The following RPUSD2 variants were observed in gnomAD, a reference collection of about 807,000 sequenced individuals.
RPUSD2 encodes the protein RNA pseudouridine synthase domain containing 2.
In RPUSD2, 31 loss-of-function variants were observed where a neutral mutation model predicts 41.5. The ratio of observed to expected loss-of-function variants is 0.75; its 90% confidence interval spans 0.56 to 1.01. RPUSD2 has a LOEUF of 1.01. Among genes scored for constraint, RPUSD2 ranks in the 50% least tolerant of loss-of-function variants. The pLI is 0.00. For synonymous variants in RPUSD2, 305 were observed against 289.7 expected (o/e 1.05, Z -0.54); for missense variants, 749 against 724.7 (o/e 1.03, Z -0.38).
intron 2 of RPUSD2, among the ~76,000 whole-genome samples, chr15:40,573,213 C>T (rs544558161): frequency 3.9e-5 from 6 of 151,996 alleles, no homozygotes; most frequent in African/African-American, 1.4e-4. Context: ...TTAGTAGAGA[C>T]GGGGTTTCTT....
chr15:40,572,049 G>T lies in RPUSD2; in HGVS notation c.903+149G>T, dbSNP rs1595901328. The T allele has an allele frequency of 2.6e-5, 21 of 797,916 alleles. No individual in the cohort carries two copies. In the East Asian group the frequency reaches 5.6e-4, roughly 21 times the overall value. 49.4% of individuals were successfully genotyped at this position (797,916 alleles called of 1,614,324 possible). ...ACCTTAAGGCAGGTCAACACCTAAA[G>T]TGCCAAATGCAGGATATCTCATATG... On this transcript the variant is annotated intron_variant, in intron 2 of 2. Coordinates refer to ENST00000315616, the MANE Select transcript of RPUSD2 (RefSeq NM_152260.3).
In RPUSD2 at chr15:40,573,890, CAG is replaced by C; in HGVS notation, c.1270_1271del (p.Ser424ProfsTer8). The C allele has an allele frequency of 1.2e-6, 2 of 1,614,146 alleles. No homozygotes were observed. The highest frequency in any genetic ancestry group is 1.7e-6 in the Non-Finnish European group (2 of 1,180,022). On this transcript the variant is annotated frameshift_variant, in exon 3 of 3. Transcript: ENST00000315616. LOFTEE classifies it high-confidence loss of function. ...CCTGGTAGCAGAGCACCAGGCCAAA[CAG>C]AGCCTGGATGTGCTAGATCTCTGTG... ...RDLVAEHQAKQSLDVLDLCEG... is the reference protein window; with the variant it reads ...RDLVAEHQAKXSLDVLDLCEG...
At chr15:40,572,117 A>C (rs1891155128) in intron 2 of RPUSD2, among the ~76,000 whole-genome samples, 1 of 152,192 alleles carries the variant, frequency 6.6e-6, no homozygotes, top group African/African-American at 2.4e-5. Context: ...TGCCTCTCTT[A>C]GTAGTTTGCT....
chr15:40,572,655 A>G (rs1306164830), intron 2 of RPUSD2, among the ~76,000 whole-genome samples: 1 of 151,914 alleles, frequency 6.6e-6, no homozygotes, highest in African/African-American at 2.4e-5. Context: ...TCACTTGGCC[A>G]TGGGAGGTTG....
chr15:40,571,985 G>T, intron 2 of RPUSD2, 85 bp downstream of exon 2: 1 of 1,395,632 alleles, frequency 7.2e-7, no homozygotes. Flanking sequence ...GTTCCGAAGT[G>T]GTCCTTCATA....
chr15:40,573,951 C>T lies in RPUSD2; in HGVS notation c.1328C>T (p.Thr443Met), dbSNP rs148617479. Residue 443 changes from threonine (T) to methionine (M), a missense_variant, in exon 3 of 3, where the codon ACG becomes ATG. By Grantham distance (81) the Thr-to-Met change is moderately conservative. Transcript: ENST00000315616. ...GDLSPGLTDSTAPSSELGKDD... is the reference protein window; with the variant it reads ...GDLSPGLTDSMAPSSELGKDD... ...CTGTCCCCAGGACTCACAGACTCTA[C>T]GGCCCCCTCCTCAGAGTTGGGCAAG... 249 of 1,614,094 alleles carry T rather than the reference C, an allele frequency of 1.5e-4. No individual in the cohort carries two copies. Among genetic ancestry groups the T allele is most frequent in the Non-Finnish European group, 2.0e-4 (232 of 1,180,002 alleles).
chr15:40,574,196 G>C lies in RPUSD2; in HGVS notation c.1573G>C (p.Gly525Arg). 1 of 1,613,838 alleles carries C rather than the reference G, an allele frequency of 6.2e-7. No homozygotes were observed. The highest frequency in any genetic ancestry group is 8.5e-7 in the Non-Finnish European group (1 of 1,180,022). Residue 525 changes from glycine to arginine, a missense_variant, in exon 3 of 3, where the codon GGG becomes CGG. Coordinates refer to ENST00000315616, the MANE Select transcript of RPUSD2 (RefSeq NM_152260.3). ...VMFLHALRYK[G>R]PGFEYFSPMP... ...GTTCCTACATGCCCTACGCTATAAAGGGCCAGGCTTTGAGTACTTTTCACC... is the reference window on the plus strand; with the variant it reads ...GTTCCTACATGCCCTACGCTATAAACGGCCAGGCTTTGAGTACTTTTCACC...
At position 40,571,739 on chromosome 15, in the gene RPUSD2, C is replaced by T. The variant is rs201925774; in HGVS notation, c.742C>T (p.Arg248Cys). The change falls in exon 2 of 3, where the codon CGC becomes TGC. Residue 248 changes from arginine (R) to cysteine (C), a missense_variant. By Grantham distance (180) the Arg-to-Cys change is radical. Transcript: ENST00000315616. ...CTCCATTCCCGTTCACCCCTGTGGC[C>T]GCTTCCGACACAACACAGTTATCTT... ...PSSIPVHPCG[R>C]FRHNTVIFIL... 8.1e-6 allele frequency: 13 copies of T among 1,614,250 alleles called. No individual in the cohort carries two copies. The Middle Eastern group carries it at 4.9e-4, about 61-fold the overall frequency.
At chr15:40,572,264 CAAA>C (rs66796070) in intron 2 of RPUSD2, among the ~76,000 whole-genome samples, 2 of 94,106 alleles carry the variant, frequency 2.1e-5, no homozygotes, top group Admixed American at 1.1e-4. Context: ...CCTATCTCTA[CAAA>C]AAAAAAAAAA....
rs1236205263 is a variant in RPUSD2, at chr15:40,569,435, G to A, written c.98G>A (p.Gly33Asp). The change falls in exon 1 of 3, where the codon GGC becomes GAC. Residue 33 changes from glycine to aspartate, a missense_variant. Physicochemically the swap from Gly to Asp is moderately conservative, Grantham distance 94 (BLOSUM62 -1). Transcript: ENST00000315616. Reference protein sequence around the residue: ...SFTRTWSGDKGPMAETVSTQV... With the variant: ...SFTRTWSGDKDPMAETVSTQV... ...ACCAGGACTTGGAGTGGCGATAAGGGCCCAATGGCAGAAACAGTGTCTACC... is the reference window on the plus strand; with the variant it reads ...ACCAGGACTTGGAGTGGCGATAAGGACCCAATGGCAGAAACAGTGTCTACC... The A allele has an allele frequency of 9.0e-6, 14 of 1,564,202 alleles. No homozygotes were observed. The highest frequency in any genetic ancestry group is 2.4e-5 in the South Asian group (2 of 82,344).
intron 2 of RPUSD2, among the ~76,000 whole-genome samples, chr15:40,573,020 C>CTTTTCTTT (rs1891174207): frequency 1.0e-5 from 1 of 96,784 alleles, no homozygotes; most frequent in Non-Finnish European, 2.0e-5. Flanking sequence ...CTTTTCTTTT[C>CTTTTCTTT]TTTTTTTTTT....
At chr15:40,573,352 T>C (rs551505766) in intron 2 of RPUSD2, among the ~76,000 whole-genome samples, 175 bp from the exon 3 acceptor site, 2 of 152,338 alleles carry the variant, frequency 1.3e-5, no homozygotes, top group South Asian at 4.1e-4. Flanking sequence ...TTTCACATTT[T>C]CTAGATGAGT....
chr15:40,571,352 A>G (rs1364574236), intron 1 of RPUSD2, among the ~76,000 whole-genome samples: 1 of 152,204 alleles, frequency 6.6e-6, no homozygotes, highest in African/African-American at 2.4e-5. Flanking sequence ...AACATTCATA[A>G]TCTAACCACC....
At position 40,574,943 on chromosome 15, in the gene RPUSD2, CAT is replaced by C. The variant is rs1451130040; in HGVS notation, c.*683_*684del. 4 of 152,174 alleles carry C rather than the reference CAT, an allele frequency of 2.6e-5. No individual in the cohort carries two copies. Among genetic ancestry groups the C allele is most frequent in the South Asian group, 2.1e-4 (1 of 4,836 alleles). The allele number at this position is 152,174 out of a possible 1,614,324, so 9.4% of individuals were successfully genotyped here. ...ATTTTATATAAATGGAATGATAAAA[CAT>C]GTGACCTATGTCTCTGTTTCCCTTG... is the stretch of plus-strand genomic sequence containing the variant. On this transcript the variant is annotated 3_prime_UTR_variant, in exon 3 of 3. Coordinates refer to ENST00000315616, the MANE Select transcript of RPUSD2 (RefSeq NM_152260.3).
rs1440582400 is a variant in RPUSD2 at position 40,574,370 on chromosome 15, G to A, written c.*109G>A. 5.9e-6 allele frequency: 8 copies of A among 1,366,996 alleles called. No individual in the cohort carries two copies. The highest frequency in any genetic ancestry group is 1.5e-5 in the African/African-American group (1 of 68,946). 84.7% of individuals were successfully genotyped at this position (1,366,996 alleles called of 1,614,324 possible). ...TGGGGTTTCTATAGGAATGAGGACG[G>A]GCTTCTAAAGAGACCTGCTCATACT... On this transcript the variant is annotated 3_prime_UTR_variant, in exon 3 of 3. Coordinates refer to ENST00000315616, the MANE Select transcript of RPUSD2 (RefSeq NM_152260.3).
Position 40,569,569 on chromosome 15 carries a change from GAA to G in RPUSD2, c.233_234del (p.Glu78GlyfsTer22). 6.5e-7 allele frequency: 1 copy of G among 1,534,296 alleles called. No homozygotes were observed. The highest frequency in any genetic ancestry group is 2.3e-5 in the East Asian group (1 of 44,114). On this transcript the variant is annotated frameshift_variant, in exon 1 of 3. Coordinates refer to ENST00000315616, the MANE Select transcript of RPUSD2 (RefSeq NM_152260.3). LOFTEE classifies it high-confidence loss of function. ...CGGGCCCCCGAAGCCGGCTGGCCGG[GAA>G]GTGGAGCCGGCCCCAGTAGGCGGGG... is the stretch of plus-strand genomic sequence containing the variant. The part of the protein sequence containing the change: ...SPGPPKPAGR[E>X]VEPAPVGGEH...
In RPUSD2 at chr15:40,569,731, A is replaced by C. The variant is rs1256580500; in HGVS notation, c.394A>C (p.Ser132Arg). 1 of 1,598,214 alleles carries C rather than the reference A, an allele frequency of 6.3e-7. No individual in the cohort carries two copies. Residue 132 changes from serine to arginine, a missense_variant, in exon 1 of 3, where the codon AGT becomes CGT. Ser to Arg is a moderately radical substitution (Grantham distance 110, BLOSUM62 -1). Transcript: ENST00000315616. ...SFGDEHFAET[S>R]YYFEGGLRKV... ...CGGAGATGAGCACTTTGCAGAAACC[A>C]GTTATTACTTCGAGGGCGGCCTGCG...
Position 40,574,333 on chromosome 15 carries a change from T to A in RPUSD2, c.*72T>A, listed in dbSNP as rs1056772189. 13 of 1,522,466 alleles carry A rather than the reference T, an allele frequency of 8.5e-6. No individual in the cohort carries two copies. The Admixed American group carries it at 2.3e-4, about 26-fold the overall frequency. 94.3% of individuals were successfully genotyped at this position (1,522,466 alleles called of 1,614,324 possible). A position where few individuals can be genotyped will look rare whatever the true frequency, so the allele number is the denominator to read the frequency against. On this transcript the variant is annotated 3_prime_UTR_variant, in exon 3 of 3. Coordinates refer to ENST00000315616, the MANE Select transcript of RPUSD2 (RefSeq NM_152260.3). ...GGCTATAGGGCAAGGGCTGACCCCATGGGCTAGTACTTGGGGTTTCTATAG... is the reference window on the plus strand; with the variant it reads ...GGCTATAGGGCAAGGGCTGACCCCAAGGGCTAGTACTTGGGGTTTCTATAG...
chr15:40,570,721 A>G (rs1891117481), intron 1 of RPUSD2, among the ~76,000 whole-genome samples: 1 of 152,222 alleles, frequency 6.6e-6, no homozygotes, highest in South Asian at 2.1e-4. Context: ...TCCATTGATC[A>G]ATCGATTTGC....
Sources: allele counts gnomAD v4.1 joint callset (sites outside exome capture counted in the v4.1 genomes callset), GRCh38; gene constraint gnomAD v4.1.1; transcripts MANE v1.5; gene names NCBI Gene and HGNC (gene_info 2026-07-23, HGNC 2026-07-21).